The following SLC35F4 variants were observed in gnomAD, a reference collection of about 807,000 sequenced individuals.
SLC35F4 encodes the protein solute carrier family 35 member F4, also known as chromosome 14 open reading frame 36.
SLC35F4 carries 24 observed loss-of-function variants against 44.2 expected under a neutral mutation model. That is an observed-to-expected ratio of 0.54 (90% confidence interval 0.39 to 0.76). The LOEUF is 0.76. SLC35F4 is among the 30% of genes least tolerant of loss of function. The pLI, the probability that SLC35F4 is intolerant of heterozygous loss-of-function variation, is 0.00. For synonymous variants in SLC35F4, 238 were observed against 223.6 expected (o/e 1.06, Z -0.57); for missense variants, 562 against 586.1 (o/e 0.96, Z 0.42).
intron 1 of SLC35F4, among the ~76,000 whole-genome samples, chr14:57,631,376 A>C (rs1245079464): frequency 6.6e-6 from 1 of 152,136 alleles, no homozygotes; most frequent in African/African-American, 2.4e-5. Context: ...AAATAATTTT[A>C]AAGGGAAAAT....
chr14:57,878,372 G>C (rs906534356), intron 1 of SLC35F4, among the ~76,000 whole-genome samples: 2 of 152,018 alleles, frequency 1.3e-5, no homozygotes, highest in Non-Finnish European at 2.9e-5. Flanking sequence ...ACAAACTTCT[G>C]CTTAAACAAC....
At chr14:57,656,132 G>A (rs746233573) in intron 1 of SLC35F4, among the ~76,000 whole-genome samples, 3 of 151,816 alleles carry the variant, frequency 2.0e-5, no homozygotes, top group Non-Finnish European at 2.9e-5. Flanking sequence ...TTCCCTACCT[G>A]CCCTGCCAGC....
chr14:57,744,503 G>A (rs1166820363), intron 1 of SLC35F4, among the ~76,000 whole-genome samples: 3 of 151,950 alleles, frequency 2.0e-5, no homozygotes, highest in East Asian at 1.9e-4. Flanking sequence ...AAAATGCCTA[G>A]GAATCCAACT....
chr14:57,812,138 A>T (rs1882041683), intron 1 of SLC35F4, among the ~76,000 whole-genome samples: 1 of 152,192 alleles, frequency 6.6e-6, no homozygotes, highest in South Asian at 2.1e-4. Flanking sequence ...TCCCTAAGGG[A>T]TACCACCAAG....
upstream of SLC35F4, among the ~76,000 whole-genome samples, chr14:57,868,943 T>C (rs1217483848): frequency 6.6e-6 from 1 of 152,220 alleles, no homozygotes; most frequent in Non-Finnish European, 1.5e-5. Flanking sequence ...ATTTGATTCA[T>C]AAAATAGTTT....
intron 1 of SLC35F4, among the ~76,000 whole-genome samples, chr14:57,838,268 T>A (rs867608688): frequency 6.6e-6 from 1 of 152,066 alleles, no homozygotes; most frequent in African/African-American, 2.4e-5. Context: ...AAATGGGAGA[T>A]CCCCAAGAAG....
At chr14:57,938,458 G>C (rs770479466) in intron 1 of SLC35F4, among the ~76,000 whole-genome samples, 1 of 152,152 alleles carries the variant, frequency 6.6e-6, no homozygotes, top group Non-Finnish European at 1.5e-5. Context: ...TCAGCACTTC[G>C]TTAACTTTCC....
intron 1 of SLC35F4, among the ~76,000 whole-genome samples, chr14:57,765,600 A>T (rs1198799820): frequency 6.6e-6 from 1 of 152,258 alleles, no homozygotes; most frequent in African/African-American, 2.4e-5. Flanking sequence ...ATTAATTTTT[A>T]AAAATTGTAT....
intron 1 of SLC35F4, among the ~76,000 whole-genome samples, chr14:57,854,416 G>T (rs1414795855): frequency 1.3e-5 from 2 of 152,142 alleles, no homozygotes; most frequent in African/African-American, 4.8e-5. Flanking sequence ...AAAATAGGCT[G>T]TCTGTTACAT....
At chr14:57,669,155 G>A (rs1388230683) in intron 1 of SLC35F4, among the ~76,000 whole-genome samples, 1 of 152,032 alleles carries the variant, frequency 6.6e-6, no homozygotes, top group Non-Finnish European at 1.5e-5. Context: ...GTATAAGACT[G>A]CTTGTGATTT....
chr14:57,644,335 C>T (rs377450444), intron 1 of SLC35F4, among the ~76,000 whole-genome samples: 5 of 152,018 alleles, frequency 3.3e-5, no homozygotes, highest in South Asian at 2.1e-4. Flanking sequence ...TGGTATCTCA[C>T]TGTGGTTTTG....
At position 57,865,926 on chromosome 14, in the gene SLC35F4, A is replaced by G. The variant is rs925588257; in HGVS notation, c.-101T>C. The G allele has an allele frequency of 4.2e-6, 3 of 716,672 alleles. No homozygotes were observed. Among genetic ancestry groups the G allele is most frequent in the Non-Finnish European group, 4.2e-6 (2 of 479,378 alleles). The allele number at this position is 716,672 out of a possible 1,614,324, so 44.4% of individuals were successfully genotyped here. A position where few individuals can be genotyped will look rare whatever the true frequency, so the allele number is the denominator to read the frequency against. On this transcript the variant is annotated 5_prime_UTR_variant, in exon 1 of 8. Transcript: ENST00000556826. ...CCGGAGCCGCTGGTGCTGATCTTGC[A>G]GCTCCTGCTCCCGCGCCCGGGCTCT...
upstream of SLC35F4, among the ~76,000 whole-genome samples, chr14:57,870,806 T>C (rs1203791463): frequency 6.6e-6 from 1 of 152,248 alleles, no homozygotes; most frequent in Non-Finnish European, 1.5e-5. Flanking sequence ...ATTCACACTC[T>C]TGGAGCTTCA....
chr14:57,583,351 C>A (rs1183258284), intron 3 of SLC35F4, among the ~76,000 whole-genome samples: 4 of 105,240 alleles, frequency 3.8e-5, no homozygotes, highest in Non-Finnish European at 7.8e-5. Flanking sequence ...TTTATCCCAT[C>A]ATTTACAACT....
intron 1 of SLC35F4, among the ~76,000 whole-genome samples, chr14:57,783,497 A>C (rs2077679942): frequency 6.6e-6 from 1 of 152,210 alleles, no homozygotes; most frequent in Admixed American, 6.6e-5. Context: ...TGTTTTGTGC[A>C]AATGTAGTTG....
intron 1 of SLC35F4, among the ~76,000 whole-genome samples, chr14:57,759,155 C>G (rs190394830): frequency 6.6e-6 from 1 of 152,130 alleles, no homozygotes; most frequent in East Asian, 1.9e-4. Context: ...GATTGCTTTC[C>G]CCTCTTGGCA....
chr14:57,709,816 T>C (rs1357711222), intron 1 of SLC35F4, among the ~76,000 whole-genome samples: 2 of 152,218 alleles, frequency 1.3e-5, no homozygotes, highest in Non-Finnish European at 2.9e-5. Flanking sequence ...ACTTGAGTGC[T>C]CTTAAAAGCA....
intron 1 of SLC35F4, among the ~76,000 whole-genome samples, chr14:57,818,644 A>G (rs1389437936): frequency 2.0e-5 from 3 of 152,210 alleles, no homozygotes; most frequent in African/African-American, 7.2e-5. Context: ...ACAGGTATTA[A>G]AAAATAAAAT....
At chr14:57,809,465 G>A (rs562713350) in intron 1 of SLC35F4, among the ~76,000 whole-genome samples, 4 of 152,164 alleles carry the variant, frequency 2.6e-5, no homozygotes, top group East Asian at 1.9e-4. Context: ...CAGACTCCAC[G>A]ACCCAGAAGA....
Sources: gnomAD v4.1 joint callset for allele counts (sites outside exome capture counted in the v4.1 genomes callset) on GRCh38, gnomAD v4.1.1 for gene constraint, MANE v1.5 for transcripts, NCBI Gene and HGNC (gene_info 2026-07-23, HGNC 2026-07-21) for gene names.